DCC: variants seen among roughly 807,000 people sequenced by gnomAD.
DCC encodes the protein netrin receptor DCC.
A neutral mutation model predicts 172.5 loss-of-function variants in DCC; 58 were observed. The ratio of observed to expected loss-of-function variants is 0.34; its 90% confidence interval spans 0.27 to 0.42. The LOEUF (loss-of-function observed/expected upper bound fraction) is 0.42. Among genes scored for constraint, DCC ranks in the 10% least tolerant of loss-of-function variants. DCC has a pLI of 1.00. For missense variants in DCC, 1,740 were observed against 1,791.0 expected (o/e 0.97, Z 0.51); for synonymous variants, 709 against 644.5 (o/e 1.10, Z -1.52).
At position 52,706,149 on chromosome 18, in the gene DCC, A is replaced by T. The variant is rs116855105; in HGVS notation, c.92-45905A>T. 4.6e-5 allele frequency among the ~76,000 whole-genome samples: 7 copies of T among 152,278 alleles called. No individual in the cohort carries two copies. In the East Asian group the frequency reaches 7.7e-4, roughly 17 times the overall value. On this transcript the variant is annotated intron_variant, in intron 1 of 28. Transcript: ENST00000442544. ...GTATAGAGGTCATAAAGTGAGGTTG[A>T]TTTCTAAACAATGATAATAAGAATA...
At chr18:52,542,180 G>GT (rs2032480462) in intron 1 of DCC, among the ~76,000 whole-genome samples, 1 of 151,236 alleles carries the variant, frequency 6.6e-6, no homozygotes, top group Admixed American at 6.6e-5. Context: ...ACTACAGAAT[G>GT]ATCCACCTCT....
At chr18:53,027,103 T>C (rs2041965164) in intron 5 of DCC, among the ~76,000 whole-genome samples, 2 of 152,178 alleles carry the variant, frequency 1.3e-5, no homozygotes, top group Non-Finnish European at 2.9e-5. Flanking sequence ...TGTATTTCTT[T>C]CTCATGTCTC....
chr18:52,727,928 A>T (rs1488767884), intron 1 of DCC, among the ~76,000 whole-genome samples: 1 of 152,202 alleles, frequency 6.6e-6, no homozygotes, highest in Non-Finnish European at 1.5e-5. Context: ...CTTTCATTTC[A>T]TAGAGAAAGA....
chr18:53,049,205 T>G (rs568965861), intron 5 of DCC, among the ~76,000 whole-genome samples: 1 of 152,224 alleles, frequency 6.6e-6, no homozygotes, highest in African/African-American at 2.4e-5. Context: ...CATTTCTCAA[T>G]TTTTGTTTCT....
intron 1 of DCC, among the ~76,000 whole-genome samples, chr18:52,459,456 TTTTCTTTCTTTC>T (rs113006148): frequency 3.3e-5 from 5 of 151,002 alleles, no homozygotes; most frequent in Admixed American, 6.6e-5. Flanking sequence ...CAGTATTTGG[TTTTCTTTCTTTC>T]TTTCTTTCTT....
intron 7 of DCC, among the ~76,000 whole-genome samples, chr18:53,126,258 T>A (rs1431237853): frequency 6.6e-6 from 1 of 152,148 alleles, no homozygotes; most frequent in Admixed American, 6.6e-5. Context: ...TAAGCATTTC[T>A]TTGGCTTTCA....
rs1598916867 is a variant in DCC at position 52,906,459 on chromosome 18, C to A, written c.697+131C>A. 9.2e-6 allele frequency: 9 copies of A among 976,388 alleles called. No homozygotes were observed. The East Asian group carries it at 1.6e-4, about 17-fold the overall frequency. 60.5% of individuals were successfully genotyped at this position (976,388 alleles called of 1,614,324 possible). A position where few individuals can be genotyped will look rare whatever the true frequency, so the allele number is the denominator to read the frequency against. ...GTTCATTGCGTTTTGTTTATTATTT[C>A]TTTCTTCCTTGCCGAAGCATTCAAT... On this transcript the variant is annotated intron_variant, in intron 3 of 28. Coordinates refer to ENST00000442544, the MANE Select transcript of DCC (RefSeq NM_005215.4).
chr18:52,402,572 T>G (rs1398179140), intron 1 of DCC, among the ~76,000 whole-genome samples: 1 of 152,046 alleles, frequency 6.6e-6, no homozygotes, highest in Non-Finnish European at 1.5e-5. Flanking sequence ...TCTCCCCACT[T>G]AAAGTTTTCT....
chr18:52,864,419 T>G (rs1044969218), intron 2 of DCC, among the ~76,000 whole-genome samples: 8 of 152,206 alleles, frequency 5.3e-5, no homozygotes, highest in African/African-American at 1.7e-4. Flanking sequence ...TTCAGAAACC[T>G]TCACAAAATA....
At chr18:52,345,677 C>A (rs1234941201) in intron 1 of DCC, among the ~76,000 whole-genome samples, 1 of 152,182 alleles carries the variant, frequency 6.6e-6, no homozygotes, top group Non-Finnish European at 1.5e-5. Context: ...ACTCTGAAAC[C>A]AAGGCTGTGA....
chr18:52,381,723 C>T (rs1985593471), intron 1 of DCC, among the ~76,000 whole-genome samples: 1 of 152,086 alleles, frequency 6.6e-6, no homozygotes, highest in Admixed American at 6.6e-5. Flanking sequence ...GCTTCAAGGT[C>T]TGCTTTCACT....
chr18:52,976,412 A>T (rs557040036), intron 5 of DCC, among the ~76,000 whole-genome samples: 1 of 152,200 alleles, frequency 6.6e-6, no homozygotes, highest in African/African-American at 2.4e-5. Flanking sequence ...TTTGTCATGA[A>T]ATATTTTCCT....
At chr18:52,341,419 C>T (rs1033690072) in intron 1 of DCC, among the ~76,000 whole-genome samples, 11 of 152,214 alleles carry the variant, frequency 7.2e-5, no homozygotes, top group African/African-American at 2.4e-4. Flanking sequence ...TTTGGTACTT[C>T]CAAGGAGGGG....
At chr18:52,889,316 A>T (rs762581064) in intron 2 of DCC, among the ~76,000 whole-genome samples, 13 of 152,092 alleles carry the variant, frequency 8.5e-5, no homozygotes, top group Non-Finnish European at 1.8e-4. Flanking sequence ...ACCACTAGGG[A>T]GTTCTGAAAA....
chr18:52,616,511 G>A (rs1440632144), intron 1 of DCC, among the ~76,000 whole-genome samples: 1 of 152,110 alleles, frequency 6.6e-6, no homozygotes, highest in Non-Finnish European at 1.5e-5. Context: ...TTTTCTTTCT[G>A]TAACCTCACT....
At chr18:52,624,811 A>G (rs529839040) in intron 1 of DCC, among the ~76,000 whole-genome samples, 24 of 152,240 alleles carry the variant, frequency 1.6e-4, no homozygotes, top group Admixed American at 1.2e-3. Flanking sequence ...GAGGCAAGAC[A>G]CTCGTGGTTT....
chr18:52,784,483 CTTCTG>C (rs578077267), intron 2 of DCC, among the ~76,000 whole-genome samples: 42 of 151,992 alleles, frequency 2.8e-4, no homozygotes, highest in Non-Finnish European at 5.6e-4. Flanking sequence ...TTTTGAGAAA[CTTCTG>C]TACTGTTTTC....
At chr18:53,260,809 T>C (rs1433386837) in intron 12 of DCC, among the ~76,000 whole-genome samples, 1 of 152,188 alleles carries the variant, frequency 6.6e-6, no homozygotes. Context: ...AGGTGGAGTC[T>C]ACAGAGGCAG....
At chr18:52,726,753 T>C (rs1599051933) in intron 1 of DCC, among the ~76,000 whole-genome samples, 1 of 152,284 alleles carries the variant, frequency 6.6e-6, no homozygotes, top group African/African-American at 2.4e-5. Context: ...ATGGCCAAGC[T>C]ATGTGGTCTC....
Sources: allele counts gnomAD v4.1 joint callset (sites outside exome capture counted in the v4.1 genomes callset), GRCh38; gene constraint gnomAD v4.1.1; transcripts MANE v1.5; gene names NCBI Gene and HGNC (gene_info 2026-07-23, HGNC 2026-07-21).